The following MICALL2 variants were observed in gnomAD, a reference collection of about 807,000 sequenced individuals.
MICALL2 encodes MICAL like 2, also known as MICAL-like protein 2.
MICALL2 carries 111 observed loss-of-function variants against 91.1 expected under a neutral mutation model. That is an observed-to-expected ratio of 1.22 (90% confidence interval 1.04 to 1.43). The LOEUF is 1.43. Among genes scored for constraint, MICALL2 ranks in the 40% most tolerant of loss-of-function variants. The pLI is 0.00. For synonymous variants in MICALL2, 694 were observed against 525.3 expected, an observed-to-expected ratio of 1.32 and a Z score of -4.39; for missense variants, 1,556 against 1,236.0, an observed-to-expected ratio of 1.26 and a Z score of -3.88.
intron 16 of MICALL2, 157 bp downstream of exon 16, chr7:1,434,944 G>A: frequency 4.7e-6 from 4 of 855,488 alleles, no homozygotes; most frequent in Non-Finnish European, 7.4e-6. Flanking sequence ...GGGTGAACCT[G>A]CCTGTCCTGT....
chr7:1,447,028 G>C (rs1044710072), intron 4 of MICALL2, among the ~76,000 whole-genome samples, 200 bp from the exon 5 acceptor site: 11 of 152,270 alleles, frequency 7.2e-5, no homozygotes, highest in Admixed American at 2.6e-4. Context: ...CCTGGGGAGA[G>C]AGCTGAGGCC....
intron 7 of MICALL2, chr7:1,441,675 G>C: frequency 6.0e-6 from 1 of 167,910 alleles, no homozygotes; most frequent in Admixed American, 5.6e-5. Context: ...GGCATACTGG[G>C]ACACCAGCGG....
rs780444120 is a variant in MICALL2 at position 1,444,627 on chromosome 7, G to A, written c.1418+25C>T. On this transcript the variant is annotated intron_variant, in intron 6 of 16. Coordinates refer to ENST00000297508, the MANE Select transcript of MICALL2 (RefSeq NM_182924.4). ...GCTGGTGCAAAGAGGCCATACCCGG[G>A]GTCCCTCGGTCCCCACGCGCTCACC... is the stretch of plus-strand genomic sequence containing the variant. 5 of 1,597,048 alleles carry A rather than the reference G, an allele frequency of 3.1e-6. No individual in the cohort carries two copies. The Admixed American group carries it at 5.1e-5, about 16-fold the overall frequency.
rs939255254 is a variant in MICALL2, at chr7:1,437,629, T to G, written c.2403-21A>C. 14 of 1,537,778 alleles carry G rather than the reference T, an allele frequency of 9.1e-6. No homozygotes were observed. The South Asian group carries it at 1.7e-4, about 18-fold the overall frequency. Reference sequence around the variant, plus strand: ...TGGACCTGCCGCACAGACACGCGTCTGAGGCCTGACTCTGCCGCCCTGTCC... The same window carrying G: ...TGGACCTGCCGCACAGACACGCGTCGGAGGCCTGACTCTGCCGCCCTGTCC... On this transcript the variant is annotated intron_variant, in intron 13 of 16. Coordinates refer to ENST00000297508, the MANE Select transcript of MICALL2 (RefSeq NM_182924.4).
intron 13 of MICALL2, 50 bp downstream of exon 13, chr7:1,437,840 C>T (rs937565466): frequency 2.0e-6 from 3 of 1,510,404 alleles, no homozygotes; most frequent in Non-Finnish European, 2.7e-6. Context: ...CCTGCCCAGC[C>T]CGCAACGAGG....
intron 3 of MICALL2, 22 bp from the exon 4 acceptor site, chr7:1,447,787 C>CG: frequency 6.7e-7 from 1 of 1,489,438 alleles, no homozygotes; most frequent in East Asian, 2.5e-5. Context: ...AAGCAGGGAT[C>CG]GGGAGGGTCC....
At position 1,442,385 on chromosome 7, in the gene MICALL2, C is replaced by G. The variant is rs146147189; in HGVS notation, c.1518G>C (p.Arg506=). ...CCATCCTCGAAGGGAGGCCAAGCAC[C>G]CGGGGAGACGAGGACTGTAACGGCT... ...LAKPLQSSSP[R]VLGLPSRMEP... is the part of the protein sequence containing the mutation. Residue 506 remains arginine (R), a synonymous_variant, in exon 7 of 17, where the codon CGG becomes CGC. Transcript: ENST00000297508. The G allele has an allele frequency of 8.1e-5, 131 of 1,609,114 alleles. No homozygotes were observed. The African/African-American group carries it at 1.5e-3, about 19-fold the overall frequency.
chr7:1,450,058 C>T (rs111763907), intron 2 of MICALL2, among the ~76,000 whole-genome samples, 182 bp downstream of exon 2: 1 of 152,200 alleles, frequency 6.6e-6, no homozygotes, highest in Non-Finnish European at 1.5e-5. Flanking sequence ...GAGGCTATTT[C>T]TAGAACGCTA....
chr7:1,438,725 C>A, intron 10 of MICALL2, 115 bp downstream of exon 10: 1 of 1,494,808 alleles, frequency 6.7e-7, no homozygotes, highest in Non-Finnish European at 8.9e-7. Flanking sequence ...TCCAGGCTTT[C>A]CCTCCATTCT....
At chr7:1,437,302 A>G (rs3923842) in intron 14 of MICALL2, 40,655 of 551,158 alleles carry the variant, frequency 0.074, 2,263 homozygotes, top group African/African-American at 0.19. Context: ...TGGGTGCTAC[A>G]AGCATCCTCA....
chr7:1,445,182 GGCAGGCGAGTTGCCCGCA>G lies in MICALL2; in HGVS notation c.870_887del (p.Ala291_Ala296del). On this transcript the variant is annotated inframe_deletion, in exon 6 of 17. Coordinates refer to ENST00000297508, the MANE Select transcript of MICALL2 (RefSeq NM_182924.4). Reference sequence around the variant, plus strand: ...TGGGTGCAGCTGGAACGGAAGCCCTGGCAGGCGAGTTGCCCGCAGCAGGCTCCCAGGCCGACGGTCTGG... The same window carrying G: ...TGGGTGCAGCTGGAACGGAAGCCCTGGCAGGCTCCCAGGCCGACGGTCTGG... 6.3e-7 allele frequency: 1 copy of G among 1,590,712 alleles called. No individual in the cohort carries two copies. Among genetic ancestry groups the G allele is most frequent in the Non-Finnish European group, 8.5e-7 (1 of 1,169,690 alleles).
chr7:1,437,013 A>C, intron 14 of MICALL2, 157 bp from the exon 15 acceptor site: 2 of 539,746 alleles, frequency 3.7e-6, no homozygotes, highest in South Asian at 2.7e-5. Flanking sequence ...GAATAAGTGA[A>C]TGAAGGAAGG....
rs538490961 is a variant in MICALL2, at chr7:1,435,645, C to T, written c.2592-498G>A. 6.6e-5 allele frequency among the ~76,000 whole-genome samples: 10 copies of T among 152,392 alleles called. No homozygotes were observed. The South Asian group carries it at 2.1e-3, about 32-fold the overall frequency. ...CATAGAGGTGGACTTCAGGTGCCGA[C>T]CCAGAATGCCATGTGCTGGACCCCT... is the stretch of plus-strand genomic sequence containing the variant. On this transcript the variant is annotated intron_variant, in intron 15 of 16. Transcript: ENST00000297508.
chr7:1,458,568 G>A (rs1243324412), intron 1 of MICALL2, among the ~76,000 whole-genome samples: 10 of 152,356 alleles, frequency 6.6e-5, no homozygotes, highest in East Asian at 5.8e-4. Context: ...AGCTACACAC[G>A]CCAAGACCCT....
At chr7:1,441,929 G>A (rs1780299287) in intron 7 of MICALL2, 4 of 543,622 alleles carry the variant, frequency 7.4e-6, no homozygotes. Flanking sequence ...GCAGGGCTGG[G>A]CTGCAGGCAC....
At chr7:1,454,700 C>T (rs1429702724) in intron 1 of MICALL2, among the ~76,000 whole-genome samples, 9 of 152,340 alleles carry the variant, frequency 5.9e-5, no homozygotes, top group Non-Finnish European at 7.4e-5. Flanking sequence ...GACCCAACCC[C>T]GCGTGGGAGA....
chr7:1,442,634 C>T (rs1780358329), intron 6 of MICALL2, 150 bp from the exon 7 acceptor site: 2 of 736,226 alleles, frequency 2.7e-6, no homozygotes, highest in South Asian at 3.9e-5. Context: ...CCCTCCACCT[C>T]CCCCACCATT....
intron 3 of MICALL2, 52 bp from the exon 4 acceptor site, chr7:1,447,817 G>A (rs1438136705): frequency 2.9e-6 from 4 of 1,368,920 alleles, no homozygotes; most frequent in Non-Finnish European, 3.9e-6. Flanking sequence ...CTCTGAAAGG[G>A]TCTAGTCCCT....
chr7:1,436,007 G>A (rs1161924645), intron 15 of MICALL2, among the ~76,000 whole-genome samples: 20 of 135,286 alleles, frequency 1.5e-4, no homozygotes, highest in Non-Finnish European at 2.6e-4. Flanking sequence ...AGCCGAGATT[G>A]CGGCCACTGC....
Sources: gnomAD v4.1 joint callset for allele counts (sites outside exome capture counted in the v4.1 genomes callset) on GRCh38, gnomAD v4.1.1 for gene constraint, MANE v1.5 for transcripts, NCBI Gene and HGNC (gene_info 2026-07-23, HGNC 2026-07-21) for gene names.